Variants in FGF7 observed in about 807,000 individuals in gnomAD.
FGF7 encodes the protein FGF-7.
Under a neutral mutation model 20.5 loss-of-function variants are expected in FGF7, and 6 were observed. The ratio of observed to expected loss-of-function variants is 0.29; its 90% CI spans 0.16 to 0.58. FGF7 has a LOEUF of 0.58. Ranked by LOEUF, FGF7 falls within the 20% of genes least tolerant of loss-of-function variation. The pLI, the probability that FGF7 is intolerant of heterozygous loss-of-function variation, is 0.90. For synonymous variants in FGF7, 64 were observed against 74.7 expected, an observed-to-expected ratio of 0.86 and a Z score of 0.74; for missense variants, 144 against 228.8, an observed-to-expected ratio of 0.63 and a Z score of 2.39.
intron 2 of FGF7, among the ~76,000 whole-genome samples, chr15:49,451,083 T>A (rs2052685759): frequency 6.6e-6 from 1 of 152,130 alleles, no homozygotes; most frequent in Non-Finnish European, 1.5e-5. Context: ...AAGTCAGATA[T>A]AATCCCATGA....
chr15:49,472,241 A>C (rs762595786), intron 2 of FGF7, among the ~76,000 whole-genome samples: 3 of 152,174 alleles, frequency 2.0e-5, no homozygotes, highest in Admixed American at 6.5e-5. Context: ...CATGCAATAA[A>C]CATCTGGAGG....
At chr15:49,436,334 T>A (rs1567271600) in intron 2 of FGF7, among the ~76,000 whole-genome samples, 1 of 151,624 alleles carries the variant, frequency 6.6e-6, no homozygotes, top group Non-Finnish European at 1.5e-5. Context: ...GAGTCCATTG[T>A]GTGATTAACA....
In FGF7 at chr15:49,425,586, G is replaced by C. The variant is rs542185078; in HGVS notation, c.286+1003G>C. On this transcript the variant is annotated intron_variant, in intron 2 of 3. Coordinates refer to ENST00000267843, the MANE Select transcript of FGF7 (RefSeq NM_002009.4). Reference sequence around the variant, plus strand: ...TTGAAAAAGAATGCATGGGGAGACTGGTGTAAACATGTGCAAATCACAGTG... The same window carrying C: ...TTGAAAAAGAATGCATGGGGAGACTCGTGTAAACATGTGCAAATCACAGTG... 9 of 151,966 alleles carry C rather than the reference G, an allele frequency of 5.9e-5. No homozygotes were observed. The South Asian group carries it at 1.2e-3, about 21-fold the overall frequency. 9.4% of individuals were successfully genotyped at this position (151,966 alleles called of 1,614,324 possible). A position where few individuals can be genotyped will look rare whatever the true frequency, so the allele number is the denominator to read the frequency against.
intron 2 of FGF7, among the ~76,000 whole-genome samples, chr15:49,465,376 T>G (rs1260903651): frequency 6.6e-6 from 1 of 151,786 alleles, no homozygotes; most frequent in Non-Finnish European, 1.5e-5. Flanking sequence ...GCTCAAGTGA[T>G]CTGCCCACCT....
intron 2 of FGF7, among the ~76,000 whole-genome samples, chr15:49,474,996 A>AAAT (rs140812052): frequency 0.052 from 6,932 of 133,072 alleles, 224 homozygotes; most frequent in Middle Eastern, 0.083. Context: ...TTCAAACTAT[A>AAAT]AAAGATAGAA....
In FGF7 at chr15:49,454,851, C is replaced by T. The variant is rs532131288; in HGVS notation, c.287-28300C>T. 2.5e-3 allele frequency among the ~76,000 whole-genome samples: 376 copies of T among 152,158 alleles called. 2 individuals carry two copies. The highest frequency in any genetic ancestry group is 4.2e-3 in the Non-Finnish European group (285 of 67,988). ...GTCTCGATCTCCTGACCTCGTGATC[C>T]GCTCGCCTCGGCCTCCCAAAGTGCT... On this transcript the variant is annotated intron_variant, in intron 2 of 3. Coordinates refer to ENST00000267843, the MANE Select transcript of FGF7 (RefSeq NM_002009.4).
intron 2 of FGF7, among the ~76,000 whole-genome samples, chr15:49,475,354 C>T (rs562549256): frequency 3.1e-4 from 47 of 152,120 alleles, no homozygotes; most frequent in Admixed American, 5.2e-4. Context: ...ATTCTGGCTA[C>T]GTGTTCAAGA....
At chr15:49,471,784 C>T (rs557689591) in intron 2 of FGF7, among the ~76,000 whole-genome samples, 1 of 152,108 alleles carries the variant, frequency 6.6e-6, no homozygotes, top group African/African-American at 2.4e-5. Context: ...ACAGGTTTGA[C>T]AGTTTGCTGA....
chr15:49,474,547 G>T (rs2055066944), intron 2 of FGF7, among the ~76,000 whole-genome samples: 1 of 152,040 alleles, frequency 6.6e-6, no homozygotes, highest in African/African-American at 2.4e-5. Context: ...AGAGGCATCA[G>T]TAAAAAAAGG....
intron 2 of FGF7, among the ~76,000 whole-genome samples, chr15:49,439,525 G>T (rs1318096214): frequency 6.6e-6 from 1 of 151,706 alleles, no homozygotes; most frequent in Admixed American, 6.6e-5. Context: ...CATGGTTTTT[G>T]CATCTGAAGA....
chr15:49,479,597 C>CTTTTTTTTTTTT (rs1567359064), intron 2 of FGF7, among the ~76,000 whole-genome samples: 1 of 102,076 alleles, frequency 9.8e-6, no homozygotes, highest in Admixed American at 1.1e-4. Context: ...GTTAATACCT[C>CTTTTTTTTTTTT]TGTTTTTTTT....
intron 2 of FGF7, among the ~76,000 whole-genome samples, chr15:49,426,616 T>C (rs2050153657): frequency 6.6e-6 from 1 of 151,966 alleles, no homozygotes; most frequent in Non-Finnish European, 1.5e-5. Context: ...ATGCATAAAA[T>C]GCTAAAATTA....
At chr15:49,480,702 T>C (rs561719288) in intron 2 of FGF7, among the ~76,000 whole-genome samples, 12 of 152,158 alleles carry the variant, frequency 7.9e-5, no homozygotes, top group African/African-American at 2.9e-4. Flanking sequence ...AGGTTAGTAT[T>C]GAATTCCTGA....
chr15:49,469,522 A>G (rs1450917567), intron 2 of FGF7, among the ~76,000 whole-genome samples: 1 of 152,114 alleles, frequency 6.6e-6, no homozygotes, highest in African/African-American at 2.4e-5. Flanking sequence ...AGTCAGAACA[A>G]GAAAAATTTA....
At chr15:49,452,055 T>G in intron 2 of FGF7, among the ~76,000 whole-genome samples, 1 of 152,118 alleles carries the variant, frequency 6.6e-6, no homozygotes. Flanking sequence ...AGATTTTTTT[T>G]TTTTGAGATA....
At position 49,424,267 on chromosome 15, in the gene FGF7, T is replaced by A; in HGVS notation, c.-31T>A. 6.3e-7 allele frequency: 1 copy of A among 1,586,176 alleles called. No homozygotes were observed. Among genetic ancestry groups the A allele is most frequent in the Non-Finnish European group, 8.6e-7 (1 of 1,159,636 alleles). On this transcript the variant is annotated 5_prime_UTR_variant, in exon 2 of 4. It introduces an in-frame stop codon into an upstream open reading frame of the 5' UTR. Transcript: ENST00000267843. ...AACTCAAGATTCATTTTCATTATGT[T>A]ATTCATGAACACCCGGAGCACTACA...
intron 2 of FGF7, among the ~76,000 whole-genome samples, chr15:49,427,067 G>A (rs959216343): frequency 3.3e-5 from 5 of 151,864 alleles, no homozygotes; most frequent in African/African-American, 1.2e-4. Flanking sequence ...AGAATATATG[G>A]AGAATAACAT....
At chr15:49,472,632 G>A (rs1209605698) in intron 2 of FGF7, among the ~76,000 whole-genome samples, 4 of 152,114 alleles carry the variant, frequency 2.6e-5, no homozygotes, top group Admixed American at 6.5e-5. Flanking sequence ...AGAAAAATGC[G>A]TACATATGAT....
chr15:49,430,400 C>G (rs1309632302), intron 2 of FGF7, among the ~76,000 whole-genome samples: 1 of 151,774 alleles, frequency 6.6e-6, no homozygotes, highest in Non-Finnish European at 1.5e-5. Context: ...AGGATCTCAC[C>G]TCTCATGGCC....
Sources: gnomAD v4.1 joint callset for allele counts (sites outside exome capture counted in the v4.1 genomes callset) on GRCh38, gnomAD v4.1.1 for gene constraint, MANE v1.5 for transcripts, NCBI Gene and HGNC (gene_info 2026-07-23, HGNC 2026-07-21) for gene names.